The following CBFA2T2 variants were observed in gnomAD, a reference collection of about 807,000 sequenced individuals.
CBFA2T2 encodes the protein protein CBFA2T2.
A neutral mutation model predicts 62.2 loss-of-function variants in CBFA2T2; 11 were observed. That is an observed-to-expected ratio of 0.18 (90% CI 0.11 to 0.29). The LOEUF is 0.29. Ranked by LOEUF, CBFA2T2 falls within the 10% of genes least tolerant of loss-of-function variation. The pLI, the probability that CBFA2T2 is intolerant of heterozygous loss-of-function variation, is 1.00. For missense variants in CBFA2T2, 592 were observed against 774.1 expected, an observed-to-expected ratio of 0.76 and a Z score of 2.79; for synonymous variants, 295 against 287.5, an observed-to-expected ratio of 1.03 and a Z score of -0.27.
At chr20:33,498,107 T>G (rs183852945) in intron 1 of CBFA2T2, among the ~76,000 whole-genome samples, 139 of 152,210 alleles carry the variant, frequency 9.1e-4, no homozygotes, top group African/African-American at 3.2e-3. Flanking sequence ...ACTTTTGTAT[T>G]TTTGGTAGAG....
At chr20:33,587,466 C>CTGTGTTAG in intron 1 of CBFA2T2, among the ~76,000 whole-genome samples, 1 of 151,870 alleles carries the variant, frequency 6.6e-6, no homozygotes, top group Admixed American at 6.6e-5. Context: ...CAGGCTTTCA[C>CTGTGTTAG]CGTGTTAGCC....
At chr20:33,641,291 A>C (rs527304850) in intron 10 of CBFA2T2, among the ~76,000 whole-genome samples, 4 of 152,184 alleles carry the variant, frequency 2.6e-5, no homozygotes, top group Non-Finnish European at 4.4e-5. Context: ...TACAAATAGG[A>C]TAGCTGGTTT....
intron 10 of CBFA2T2, among the ~76,000 whole-genome samples, chr20:33,644,057 C>T (rs2016961183): frequency 6.6e-6 from 1 of 151,708 alleles, no homozygotes; most frequent in South Asian, 2.1e-4. Flanking sequence ...GAGATGGCCA[C>T]CTGCCCTAGG....
rs143959713 is a variant in CBFA2T2 at position 33,519,040 on chromosome 20, T to G, written c.34+28739T>G. Among the ~76,000 whole-genome samples the G allele has an allele frequency of 6.1e-3, 930 of 152,198 alleles. 7 individuals carry two copies. Among genetic ancestry groups the G allele is most frequent in the Middle Eastern group, 0.014 (4 of 294 alleles). ...TGTCTCAGTTTTCAAATAATGAAGG[T>G]GAATTCAACTGGTAAATGTAGGTTT... On this transcript the variant is annotated intron_variant, in intron 1 of 10. Coordinates refer to ENST00000342704, the MANE Select transcript of CBFA2T2 (RefSeq NM_001032999.3).
chr20:33,491,986 G>A lies in CBFA2T2; in HGVS notation c.34+1685G>A, dbSNP rs111349714. On this transcript the variant is annotated intron_variant, in intron 1 of 10. Coordinates refer to ENST00000342704, the MANE Select transcript of CBFA2T2 (RefSeq NM_001032999.3). ...ACCTCCCCCCGCCCCAGGTTCAAGC[G>A]ATTCTCCTGCATCAGCCTCCAGAGT... 4.0e-3 allele frequency among the ~76,000 whole-genome samples: 603 copies of A among 151,928 alleles called. 5 individuals are homozygous for A. The highest frequency in any genetic ancestry group is 0.017 in the Middle Eastern group (5 of 294).
chr20:33,576,683 A>G (rs770895805), intron 1 of CBFA2T2, among the ~76,000 whole-genome samples: 9 of 152,272 alleles, frequency 5.9e-5, no homozygotes, highest in African/African-American at 1.9e-4. Context: ...TGAGGCAGCC[A>G]CCAGGAGGGC....
intron 1 of CBFA2T2, among the ~76,000 whole-genome samples, chr20:33,503,419 TA>T (rs1452803473): frequency 1.3e-5 from 2 of 151,736 alleles, no homozygotes; most frequent in Non-Finnish European, 2.9e-5. Context: ...CAGGCCCAGC[TA>T]ATTTTTGTAT....
chr20:33,544,900 A>G (rs2012495943), intron 1 of CBFA2T2, among the ~76,000 whole-genome samples: 1 of 151,954 alleles, frequency 6.6e-6, no homozygotes, highest in South Asian at 2.1e-4. Flanking sequence ...CATCTGATAG[A>G]TGCACAATAA....
At chr20:33,640,010 A>G (rs1478426562) in intron 9 of CBFA2T2, among the ~76,000 whole-genome samples, 1 of 152,210 alleles carries the variant, frequency 6.6e-6, no homozygotes, top group African/African-American at 2.4e-5. Context: ...CCCACTGAAG[A>G]GCTGATCACT....
intron 1 of CBFA2T2, among the ~76,000 whole-genome samples, chr20:33,578,864 TAC>T (rs944884958): frequency 6.6e-6 from 1 of 152,208 alleles, no homozygotes; most frequent in African/African-American, 2.4e-5. Flanking sequence ...AAACTGGCTC[TAC>T]ACAGTCTTTA....
intron 4 of CBFA2T2, among the ~76,000 whole-genome samples, chr20:33,621,301 TTTTTTTTTTTTTGG>T (rs1439152694): frequency 2.1e-5 from 3 of 139,566 alleles, no homozygotes; most frequent in African/African-American, 8.0e-5. Flanking sequence ...TTTTTTTTTT[TTTTTTTTTTTTTGG>T]GGAGACAAAA....
chr20:33,504,475 T>C (rs1339898803), intron 1 of CBFA2T2, among the ~76,000 whole-genome samples: 1 of 143,898 alleles, frequency 6.9e-6, no homozygotes, highest in South Asian at 2.2e-4. Context: ...GTGGCATGGC[T>C]CACGGCAGCC....
intron 1 of CBFA2T2, among the ~76,000 whole-genome samples, chr20:33,588,515 G>A (rs1242925750): frequency 6.6e-6 from 1 of 151,646 alleles, no homozygotes; most frequent in Non-Finnish European, 1.5e-5. Flanking sequence ...TTTATTTTTG[G>A]CCTGTTTGAA....
intron 1 of CBFA2T2, among the ~76,000 whole-genome samples, chr20:33,529,048 C>T (rs916099879): frequency 3.3e-5 from 5 of 152,050 alleles, no homozygotes; most frequent in Admixed American, 2.0e-4. Flanking sequence ...TTTTTTGAGA[C>T]GGAGTCTTGT....
chr20:33,492,996 G>C (rs2011159703), intron 1 of CBFA2T2, among the ~76,000 whole-genome samples: 1 of 150,444 alleles, frequency 6.6e-6, no homozygotes, highest in African/African-American at 2.4e-5. Flanking sequence ...CAAGTGATCT[G>C]CCCGCCTCAG....
chr20:33,590,458 C>T (rs2014570602), intron 1 of CBFA2T2, among the ~76,000 whole-genome samples: 1 of 151,998 alleles, frequency 6.6e-6, no homozygotes, highest in Middle Eastern at 3.2e-3. Context: ...AAAGGCTATG[C>T]GCATGCCCCA....
chr20:33,553,685 G>T (rs1429461550), intron 1 of CBFA2T2, among the ~76,000 whole-genome samples: 1 of 152,162 alleles, frequency 6.6e-6, no homozygotes, highest in Non-Finnish European at 1.5e-5. Context: ...GTGAAACTTT[G>T]TTTACTAAAA....
chr20:33,499,436 C>T (rs2011243175), intron 1 of CBFA2T2, among the ~76,000 whole-genome samples: 1 of 152,154 alleles, frequency 6.6e-6, no homozygotes, highest in Admixed American at 6.6e-5. Flanking sequence ...TCTCATAATG[C>T]TGTAGTAATA....
At chr20:33,638,453 A>G (rs1235501869) in intron 9 of CBFA2T2, among the ~76,000 whole-genome samples, 2 of 152,178 alleles carry the variant, frequency 1.3e-5, no homozygotes, top group African/African-American at 4.8e-5. Flanking sequence ...CCAAACCGAG[A>G]TGATTATTAA....
Sources: gnomAD v4.1 joint callset for allele counts (sites outside exome capture counted in the v4.1 genomes callset) on GRCh38, gnomAD v4.1.1 for gene constraint, MANE v1.5 for transcripts, NCBI Gene and HGNC (gene_info 2026-07-23, HGNC 2026-07-21) for gene names.